PRKG1: variants seen among roughly 807,000 people sequenced by gnomAD.
PRKG1 encodes protein kinase cGMP-dependent 1, also known as cGMP-dependent protein kinase 1.
Under a neutral mutation model 88.1 loss-of-function variants are expected in PRKG1, and 35 were observed. That is an observed-to-expected ratio of 0.40 (90% CI 0.30 to 0.53). The LOEUF is 0.53. PRKG1 is among the 20% of genes least tolerant of loss of function. The pLI, the probability that PRKG1 is intolerant of heterozygous loss-of-function variation, is 0.59. For synonymous variants in PRKG1, 303 were observed against 292.5 expected (o/e 1.04, Z -0.37); for missense variants, 540 against 839.8 (o/e 0.64, Z 4.41).
intron 7 of PRKG1, among the ~76,000 whole-genome samples, chr10:52,066,342 G>A (rs145074320): frequency 6.2e-4 from 95 of 152,200 alleles, no homozygotes; most frequent in African/African-American, 2.2e-3. Flanking sequence ...AGCTCCTCCA[G>A]ATATATGATT....
intron 2 of PRKG1, among the ~76,000 whole-genome samples, chr10:51,426,794 T>A (rs955192896): frequency 1.3e-5 from 2 of 152,206 alleles, no homozygotes; most frequent in African/African-American, 4.8e-5. Flanking sequence ...TTTCATAAAT[T>A]CTCATTCTGA....
intron 3 of PRKG1, among the ~76,000 whole-genome samples, chr10:51,686,199 A>G (rs1765812792): frequency 6.6e-6 from 1 of 152,144 alleles, no homozygotes; most frequent in African/African-American, 2.4e-5. Flanking sequence ...TTTGTTATAC[A>G]GGTAAACTGC....
At chr10:51,394,928 A>AT (rs1335873531) in intron 2 of PRKG1, among the ~76,000 whole-genome samples, 1 of 151,952 alleles carries the variant, frequency 6.6e-6, no homozygotes, top group Non-Finnish European at 1.5e-5. Flanking sequence ...GGATTCTTAA[A>AT]TTTTTTTTCT....
intron 2 of PRKG1, among the ~76,000 whole-genome samples, chr10:51,255,805 G>A (rs1486594387): frequency 3.3e-5 from 5 of 152,058 alleles, no homozygotes; most frequent in Admixed American, 2.0e-4. Context: ...GGGAATAAGG[G>A]TCTACTTTCC....
chr10:51,974,973 T>C (rs1904036), intron 5 of PRKG1, among the ~76,000 whole-genome samples: 71,585 of 151,806 alleles, frequency 0.47, 17,235 homozygotes, highest in Admixed American at 0.57. Context: ...ACAAAGATTC[T>C]CAATCTGGAA....
At chr10:51,085,766 T>C (rs542285114) in intron 1 of PRKG1, among the ~76,000 whole-genome samples, 2 of 152,148 alleles carry the variant, frequency 1.3e-5, no homozygotes, top group Non-Finnish European at 2.9e-5. Flanking sequence ...TCGAAGTTTG[T>C]AGTTATTCAT....
At chr10:52,185,404 G>A (rs999526701) in intron 9 of PRKG1, among the ~76,000 whole-genome samples, 2 of 152,324 alleles carry the variant, frequency 1.3e-5, no homozygotes, top group Admixed American at 1.3e-4. Flanking sequence ...CACTTGAGTA[G>A]CTCCACCCCT....
intron 5 of PRKG1, chr10:51,908,727 A>ATCTATCTC (rs59016467): frequency 8.8e-6 from 1 of 113,226 alleles, no homozygotes; most frequent in Non-Finnish European, 2.0e-5. Flanking sequence ...CTATCTATCT[A>ATCTATCTC]TATGTAATTT....
chr10:51,923,133 A>G (rs908319784), intron 5 of PRKG1, among the ~76,000 whole-genome samples: 3 of 152,068 alleles, frequency 2.0e-5, no homozygotes, highest in African/African-American at 7.2e-5. Flanking sequence ...TTGATCCTTT[A>G]TCATTATGTA....
At chr10:52,267,462 GTTTTAC>G (rs200823599) in intron 10 of PRKG1, among the ~76,000 whole-genome samples, 1,557 of 151,586 alleles carry the variant, frequency 0.01, 12 homozygotes, top group South Asian at 0.02. Flanking sequence ...CATGATGAGA[GTTTTAC>G]TTTTACTCAT....
chr10:51,992,972 C>T (rs1223191898), intron 5 of PRKG1, among the ~76,000 whole-genome samples: 6 of 152,054 alleles, frequency 3.9e-5, no homozygotes, highest in East Asian at 1.9e-4. Flanking sequence ...CTGAGACCAG[C>T]GTTTGTGCTT....
rs58531093 is a variant in PRKG1 at position 51,897,867 on chromosome 10, A to AT, written c.699-9629dup. ...TATTCTCCCTAAAACTGGCAGAAGGATTTTTTTTTTTCATGTGTAAATAAG... is the reference window on the plus strand; with the variant it reads ...TATTCTCCCTAAAACTGGCAGAAGGATTTTTTTTTTTTCATGTGTAAATAAG... On this transcript the variant is annotated intron_variant, in intron 4 of 17. Transcript: ENST00000373980. Among the ~76,000 whole-genome samples, 262 of 149,416 alleles carry AT rather than the reference A, an allele frequency of 1.8e-3. 1 individual carries two copies. The highest frequency in any genetic ancestry group is 8.2e-3 in the Admixed American group (123 of 14,936).
chr10:52,096,385 C>T (rs1009950281), intron 7 of PRKG1, among the ~76,000 whole-genome samples: 1 of 152,170 alleles, frequency 6.6e-6, no homozygotes, highest in Non-Finnish European at 1.5e-5. Context: ...CATACCCTCC[C>T]ATTTATCCTG....
intron 3 of PRKG1, among the ~76,000 whole-genome samples, chr10:51,482,528 TTGAAG>T (rs1840392744): frequency 6.6e-6 from 1 of 152,190 alleles, no homozygotes; most frequent in Non-Finnish European, 1.5e-5. Context: ...TCCCTTTCCC[TTGAAG>T]GGTAACAATG....
chr10:51,283,068 T>C (rs1589312791), intron 2 of PRKG1, among the ~76,000 whole-genome samples: 3 of 152,254 alleles, frequency 2.0e-5, no homozygotes, highest in East Asian at 1.9e-4. Context: ...ACCCATATTA[T>C]AAACAGCTTC....
At chr10:52,206,598 C>A (rs1161794928) in intron 9 of PRKG1, among the ~76,000 whole-genome samples, 2 of 152,140 alleles carry the variant, frequency 1.3e-5, no homozygotes, top group Non-Finnish European at 2.9e-5. Context: ...CTTTTATATT[C>A]TTTGATGCCC....
chr10:51,003,758 TAG>T lies in PRKG1; in HGVS notation c.266+12122_266+12123del, dbSNP rs111551625. On this transcript the variant is annotated intron_variant, in intron 1 of 17. Transcript: ENST00000401604. ...GTATGTTTCCGTAAATCTTTATATG[TAG>T]AGAGAGAACTCACCTGCTTATTTGG... Among the ~76,000 whole-genome samples the T allele has an allele frequency of 5.9e-5, 9 of 152,322 alleles. No homozygotes were observed. The East Asian group carries it at 1.7e-3, about 29-fold the overall frequency.
intron 3 of PRKG1, among the ~76,000 whole-genome samples, chr10:51,785,955 G>A (rs1838717389): frequency 1.3e-5 from 2 of 152,130 alleles, no homozygotes; most frequent in South Asian, 4.1e-4. Flanking sequence ...TGACATAGGA[G>A]TTATAGAACC....
At chr10:51,893,398 C>T (rs1028707619) in intron 4 of PRKG1, among the ~76,000 whole-genome samples, 2 of 151,918 alleles carry the variant, frequency 1.3e-5, no homozygotes, top group African/African-American at 4.8e-5. Context: ...AAGATGTGCT[C>T]CCTCCTCTGG....
Sources: gnomAD v4.1 joint callset for allele counts (sites outside exome capture counted in the v4.1 genomes callset) on GRCh38, gnomAD v4.1.1 for gene constraint, MANE v1.5 for transcripts, NCBI Gene and HGNC (gene_info 2026-07-23, HGNC 2026-07-21) for gene names.